The following CMTR2 variants were observed in gnomAD, a reference collection of about 807,000 sequenced individuals.
CMTR2 encodes the protein cap methyltransferase 2, also known as cap-specific mRNA (nucleoside-2'-O-)-methyltransferase 2.
CMTR2 carries 40 observed loss-of-function variants against 49.8 expected under a neutral mutation model. The ratio of observed to expected loss-of-function variants is 0.80; its 90% CI spans 0.62 to 1.04. The LOEUF (loss-of-function observed/expected upper bound fraction) is 1.04, where lower values mean the gene tolerates loss of function less well. CMTR2 is among the 50% of genes least tolerant of loss of function. The pLI is 0.00. For synonymous variants in CMTR2, 326 were observed against 315.8 expected, an observed-to-expected ratio of 1.03 and a Z score of -0.34; for missense variants, 907 against 897.2, an observed-to-expected ratio of 1.01 and a Z score of -0.14.
chr16:71,286,085 G>T, intron 2 of CMTR2, 146 bp from the exon 3 acceptor site: 1 of 543,430 alleles, frequency 1.8e-6, no homozygotes, highest in Non-Finnish European at 3.0e-6. Flanking sequence ...CAAGTAATCT[G>T]GAATAATGAA....
rs1384830663 is a variant in CMTR2, at chr16:71,281,635, T to C, written c.*1973A>G. ...CAGTTCAATCTGAACCTTCCTCAAG[T>C]CATGTCTAACCTCTAAAGCAATTTG... On this transcript the variant is annotated 3_prime_UTR_variant, in exon 3 of 3. Transcript: ENST00000434935. 6.6e-6 allele frequency: 1 copy of C among 151,978 alleles called. No individual in the cohort carries two copies. Among genetic ancestry groups the C allele is most frequent in the Non-Finnish European group, 1.5e-5 (1 of 67,848 alleles). The allele number at this position is 151,978 out of a possible 1,614,324, so 9.4% of individuals were successfully genotyped here. A position where few individuals can be genotyped will look rare whatever the true frequency, so the allele number is the denominator to read the frequency against.
chr16:71,283,348 C>T lies in CMTR2; in HGVS notation c.*260G>A. Reference sequence around the variant, plus strand: ...ATAGGTAAGCATGGCTGTGGCCACCCATACACATACACACACCTCATATTT... The same window carrying T: ...ATAGGTAAGCATGGCTGTGGCCACCTATACACATACACACACCTCATATTT... On this transcript the variant is annotated 3_prime_UTR_variant, in exon 3 of 3. Transcript: ENST00000434935. The T allele has an allele frequency of 2.3e-6, 1 of 439,396 alleles. No homozygotes were observed. The highest frequency in any genetic ancestry group is 4.0e-6 in the Non-Finnish European group (1 of 248,482). The allele number at this position is 439,396 out of a possible 1,614,324, so 27.2% of individuals were successfully genotyped here.
rs769922175 is a variant in CMTR2 at position 71,285,748 on chromosome 16, G to T, written c.173C>A (p.Thr58Asn). ...DPSEIFTCDH[T>N]ELNAFLDLKN... is the part of the protein sequence containing the mutation. ...CAAATCAAGAAATGCATTAAGTTCA[G>T]TGTGGTCACAGGTGAAAATCTCACT... Residue 58 changes from threonine to asparagine, a missense_variant, in exon 3 of 3, where the codon ACT (threonine) becomes AAT (asparagine). Physicochemically the swap from Thr to Asn is moderately conservative, Grantham distance 65 (BLOSUM62 0). Coordinates refer to ENST00000434935, the MANE Select transcript of CMTR2 (RefSeq NM_018348.6). The T allele has an allele frequency of 2.5e-6, 4 of 1,613,814 alleles. No homozygotes were observed. The highest frequency in any genetic ancestry group is 3.4e-6 in the Non-Finnish European group (4 of 1,179,836).
In CMTR2 at chr16:71,284,641, C is replaced by T. The variant is rs1409672321; in HGVS notation, c.1280G>A (p.Cys427Tyr). Residue 427 changes from cysteine to tyrosine, a missense_variant, in exon 3 of 3, where the codon TGT (cysteine) becomes TAT (tyrosine). Cys to Tyr is a radical substitution (Grantham distance 194). Transcript: ENST00000434935. ...CCCAAACCATTTTGTATTTGTACTA[C>T]AACCAATACTAGATTTTTTTACTAG... is the stretch of plus-strand genomic sequence containing the variant. The part of the protein sequence containing the change: ...NWLVKKSSIG[C>Y]STNTKWFGQR... 2 of 1,612,492 alleles carry T rather than the reference C, an allele frequency of 1.2e-6. No individual in the cohort carries two copies. Among genetic ancestry groups the T allele is most frequent in the African/African-American group, 1.3e-5 (1 of 74,778 alleles).
At position 71,283,875 on chromosome 16, in the gene CMTR2, G is replaced by C. The variant is rs1188320023; in HGVS notation, c.2046C>G (p.Thr682=). Residue 682 remains threonine (T), a synonymous_variant, in exon 3 of 3, where the codon ACC becomes ACG. Transcript: ENST00000434935. ...AACCAACACATAGCAGGACTGCGCA[G>C]GTCCTCAGGGGATCAGAGGATGTGG... The part of the protein sequence containing the change: ...VCPTSSDPLR[T]CAVLLCVGYQ... 6.2e-7 allele frequency: 1 copy of C among 1,613,232 alleles called. No homozygotes were observed. Among genetic ancestry groups the C allele is most frequent in the Non-Finnish European group, 8.5e-7 (1 of 1,179,212 alleles).
In CMTR2 at chr16:71,284,956, C is replaced by G. The variant is rs771244302; in HGVS notation, c.965G>C (p.Gly322Ala). ...EVYVVCLHYKGREAIHPLLSK... is the reference protein window; with the variant it reads ...EVYVVCLHYKAREAIHPLLSK... ...TAACAGAGGATGGATGGCCTCTCTCCCCTTATAGTGGAGGCAAACCACATA... is the reference window on the plus strand; with the variant it reads ...TAACAGAGGATGGATGGCCTCTCTCGCCTTATAGTGGAGGCAAACCACATA... Residue 322 changes from glycine (G) to alanine (A), a missense_variant, in exon 3 of 3, where the codon GGG becomes GCG. Coordinates refer to ENST00000434935, the MANE Select transcript of CMTR2 (RefSeq NM_018348.6). 6.2e-7 allele frequency: 1 copy of G among 1,614,074 alleles called. No individual in the cohort carries two copies. Among genetic ancestry groups the G allele is most frequent in the Non-Finnish European group, 8.5e-7 (1 of 1,179,952 alleles).
In CMTR2 at chr16:71,282,657, AT is replaced by A. The variant is rs2041629601; in HGVS notation, c.*950del. The A allele has an allele frequency of 6.6e-6, 1 of 152,152 alleles. No homozygotes were observed. Among genetic ancestry groups the A allele is most frequent in the African/African-American group, 2.4e-5 (1 of 41,450 alleles). The allele number at this position is 152,152 out of a possible 1,614,324, so 9.4% of individuals were successfully genotyped here. On this transcript the variant is annotated 3_prime_UTR_variant, in exon 3 of 3. Coordinates refer to ENST00000434935, the MANE Select transcript of CMTR2 (RefSeq NM_018348.6). ...GCTATTTTCACACTGAAAAAAAGAA[AT>A]TAGAAAAGATTAAAAATTTTAAATT...
At position 71,283,481 on chromosome 16, in the gene CMTR2, A is replaced by G; in HGVS notation, c.*127T>C. 8.9e-7 allele frequency: 1 copy of G among 1,128,262 alleles called. No individual in the cohort carries two copies. Among genetic ancestry groups the G allele is most frequent in the Non-Finnish European group, 1.2e-6 (1 of 806,990 alleles). 69.9% of individuals were successfully genotyped at this position (1,128,262 alleles called of 1,614,324 possible). A position where few individuals can be genotyped will look rare whatever the true frequency, so the allele number is the denominator to read the frequency against. On this transcript the variant is annotated 3_prime_UTR_variant, in exon 3 of 3. Transcript: ENST00000434935. ...AATGGATGGTTTTCCAGAATTAATG[A>G]GACTTTGAATGATGCAAATGTTGGC... is the stretch of plus-strand genomic sequence containing the variant.
chr16:71,282,478 C>G lies in CMTR2; in HGVS notation c.*1130G>C, dbSNP rs1416835828. The stretch of plus-strand genomic sequence containing the variant: ...AAATATTCTCCACTTTGTGGAACTT[C>G]AAGATAATGAAAAATTGCTTAATAC... On this transcript the variant is annotated 3_prime_UTR_variant, in exon 3 of 3. Coordinates refer to ENST00000434935, the MANE Select transcript of CMTR2 (RefSeq NM_018348.6). The G allele has an allele frequency of 6.6e-6, 1 of 151,990 alleles. No homozygotes were observed. The highest frequency in any genetic ancestry group is 2.4e-5 in the African/African-American group (1 of 41,410). 9.4% of individuals were successfully genotyped at this position (151,990 alleles called of 1,614,324 possible). A position where few individuals can be genotyped will look rare whatever the true frequency, so the allele number is the denominator to read the frequency against.
rs1478182523 is a variant in CMTR2 at position 71,285,738 on chromosome 16, A to G, written c.183T>C (p.Asn61=). Residue 61 remains asparagine (N), a synonymous_variant, in exon 3 of 3, where the codon AAT becomes AAC. Transcript: ENST00000434935. ...GGGAGTTCTTCAAATCAAGAAATGCATTAAGTTCAGTGTGGTCACAGGTGA... is the reference window on the plus strand; with the variant it reads ...GGGAGTTCTTCAAATCAAGAAATGCGTTAAGTTCAGTGTGGTCACAGGTGA... ...EIFTCDHTEL[N]AFLDLKNSLN... is the part of the protein sequence containing the mutation. The G allele has an allele frequency of 2.5e-6, 4 of 1,613,694 alleles. No homozygotes were observed. Among genetic ancestry groups the G allele is most frequent in the African/African-American group, 2.7e-5 (2 of 74,902 alleles).
intron 2 of CMTR2, 45 bp from the exon 3 acceptor site, chr16:71,285,984 G>A: frequency 7.0e-7 from 1 of 1,431,002 alleles, no homozygotes; most frequent in Non-Finnish European, 9.4e-7. Context: ...ATTTATTAGT[G>A]AGCGAAATCT....
Position 71,283,763 on chromosome 16 carries a change from G to A in CMTR2, c.2158C>T (p.Gln720Ter). 3 of 1,613,960 alleles carry A rather than the reference G, an allele frequency of 1.9e-6. No homozygotes were observed. The highest frequency in any genetic ancestry group is 1.7e-6 in the Non-Finnish European group (2 of 1,179,892). The stretch of plus-strand genomic sequence containing the variant: ...TCCATTGGCACAAACTGTAAAACCT[G>A]CTGGGGTGAGTCAGAGTTGAGCAAA... ...STLLNSDSPQ[Q>*]VLQFVPMEVL... The change falls in exon 3 of 3, where the codon CAG (glutamine) becomes TAG (stop). Residue 720 changes from glutamine (Q) to a stop codon, truncating the protein, a stop_gained. Coordinates refer to ENST00000434935, the MANE Select transcript of CMTR2 (RefSeq NM_018348.6). LOFTEE classifies it high-confidence loss of function.
At chr16:71,286,021 A>C in intron 2 of CMTR2, 82 bp from the exon 3 acceptor site, 1 of 994,068 alleles carries the variant, frequency 1.0e-6, no homozygotes, top group Non-Finnish European at 1.5e-6. Flanking sequence ...GATCACACTC[A>C]TGACAAACTC....
rs1354194291 is a variant in CMTR2 at position 71,284,138 on chromosome 16, T to C, written c.1783A>G (p.Ile595Val). ...TCTAGGAGTCGAACTTCCAACGGTA[T>C]ATGCATTTTGATATTACGGAGAGTC... ...FSTLRNIKMHIPLEVRLLESA... is the reference protein window; with the variant it reads ...FSTLRNIKMHVPLEVRLLESA... Residue 595 changes from isoleucine (I) to valine (V), a missense_variant, in exon 3 of 3, where the codon ATA becomes GTA. Physicochemically the swap from Ile to Val is conservative, Grantham distance 29 (BLOSUM62 3). Coordinates refer to ENST00000434935, the MANE Select transcript of CMTR2 (RefSeq NM_018348.6). The C allele has an allele frequency of 6.2e-7, 1 of 1,614,010 alleles. No individual in the cohort carries two copies. The highest frequency in any genetic ancestry group is 8.5e-7 in the Non-Finnish European group (1 of 1,179,924).
rs559412558 is a variant in CMTR2 at position 71,285,116 on chromosome 16, C to G, written c.805G>C (p.Gly269Arg). 4.3e-6 allele frequency: 7 copies of G among 1,614,054 alleles called. No individual in the cohort carries two copies. The highest frequency in any genetic ancestry group is 5.9e-6 in the Non-Finnish European group (7 of 1,179,950). The change falls in exon 3 of 3, where the codon GGT (glycine) becomes CGT (arginine). Residue 269 changes from glycine (G) to arginine (R), a missense_variant. By Grantham distance (125) the Gly-to-Arg change is moderately radical. Transcript: ENST00000434935. ...AACATCTTTAGAACAAAAGAGCCAC[C>G]GTTTCCAAGAGTGGTCAGAGCAGTG... ...VVTALTTLGN[G>R]GSFVLKMFTM... is the part of the protein sequence containing the mutation.
In CMTR2 at chr16:71,284,224, A is replaced by G; in HGVS notation, c.1697T>C (p.Leu566Pro). 1 of 1,614,054 alleles carries G rather than the reference A, an allele frequency of 6.2e-7. No homozygotes were observed. Among genetic ancestry groups the G allele is most frequent in the Non-Finnish European group, 8.5e-7 (1 of 1,179,956 alleles). ...FSELCSLTEC[L>P]QDEQVVVPSN... ...GGGTACTACAACCTGCTCATCCTGAAGGCACTCAGTAAGGCTACACAACTC... is the reference window on the plus strand; with the variant it reads ...GGGTACTACAACCTGCTCATCCTGAGGGCACTCAGTAAGGCTACACAACTC... Residue 566 changes from leucine to proline, a missense_variant, in exon 3 of 3, where the codon CTT becomes CCT. Coordinates refer to ENST00000434935, the MANE Select transcript of CMTR2 (RefSeq NM_018348.6).
rs1446670065 is a variant in CMTR2, at chr16:71,284,546, C to G, written c.1375G>C (p.Val459Leu). 1 of 1,613,820 alleles carries G rather than the reference C, an allele frequency of 6.2e-7. No homozygotes were observed. Among genetic ancestry groups the G allele is most frequent in the Non-Finnish European group, 8.5e-7 (1 of 1,179,934 alleles). The change falls in exon 3 of 3, where the codon GTA becomes CTA. Residue 459 changes from valine (V) to leucine (L), a missense_variant. Coordinates refer to ENST00000434935, the MANE Select transcript of CMTR2 (RefSeq NM_018348.6). ...CAACTATTAAAGTATCCTTTGGCTA[C>G]TTTATCTTTCCATGAAAGGGCTTCT... Reference protein sequence around the residue: ...MLEALSWKDKVAKGYFNSWAE... With the variant: ...MLEALSWKDKLAKGYFNSWAE...
chr16:71,285,746 CA>C lies in CMTR2; in HGVS notation c.174del (p.Glu59AsnfsTer8). 1 of 1,613,792 alleles carries C rather than the reference CA, an allele frequency of 6.2e-7. No homozygotes were observed. The highest frequency in any genetic ancestry group is 8.5e-7 in the Non-Finnish European group (1 of 1,179,840). On this transcript the variant is annotated frameshift_variant, in exon 3 of 3. Transcript: ENST00000434935. LOFTEE classifies it high-confidence loss of function. ...TTCAAATCAAGAAATGCATTAAGTT[CA>C]GTGTGGTCACAGGTGAAAATCTCAC... ...DPSEIFTCDH[T>X]ELNAFLDLKN... is the part of the protein sequence containing the mutation.
In CMTR2 at chr16:71,283,777, G is replaced by A; in HGVS notation, c.2144C>T (p.Ser715Phe). 3.1e-6 allele frequency: 5 copies of A among 1,614,008 alleles called. 1 individual carries two copies. The South Asian group carries it at 5.5e-5, about 18-fold the overall frequency. The part of the protein sequence containing the change: ...VNELLSTLLN[S>F]DSPQQVLQFV... ...CTGTAAAACCTGCTGGGGTGAGTCAGAGTTGAGCAAAGTGCTCAACAATTC... is the reference window on the plus strand; with the variant it reads ...CTGTAAAACCTGCTGGGGTGAGTCAAAGTTGAGCAAAGTGCTCAACAATTC... The change falls in exon 3 of 3, where the codon TCT becomes TTT. Residue 715 changes from serine (S) to phenylalanine (F), a missense_variant. By Grantham distance (155) the Ser-to-Phe change is radical. Coordinates refer to ENST00000434935, the MANE Select transcript of CMTR2 (RefSeq NM_018348.6).
Sources: gnomAD v4.1 joint callset for allele counts on GRCh38, gnomAD v4.1.1 for gene constraint, MANE v1.5 for transcripts, NCBI Gene and HGNC (gene_info 2026-07-23, HGNC 2026-07-21) for gene names.